Variants in GRB10 observed in about 807,000 individuals in gnomAD.
GRB10 encodes growth factor receptor-bound protein 10.
A neutral mutation model predicts 80.9 loss-of-function variants in GRB10; 20 were observed. The observed-to-expected ratio is 0.25, with a 90% CI of 0.17 to 0.36. The LOEUF is 0.36. GRB10 is among the 10% of genes least tolerant of loss of function. GRB10 has a pLI of 1.00. For missense variants in GRB10, 548 were observed against 747.7 expected, an observed-to-expected ratio of 0.73 and a Z score of 3.12; for synonymous variants, 291 against 291.5, an observed-to-expected ratio of 1.00 and a Z score of 0.02.
At chr7:50,701,759 C>T (rs1335373889) in intron 5 of GRB10, among the ~76,000 whole-genome samples, 2 of 152,190 alleles carry the variant, frequency 1.3e-5, no homozygotes, top group African/African-American at 4.8e-5. Flanking sequence ...CTTGGGAGTA[C>T]ACTGCATTGC....
chr7:50,778,022 T>C (rs2077882945), intron 2 of GRB10, among the ~76,000 whole-genome samples: 3 of 152,114 alleles, frequency 2.0e-5, no homozygotes, highest in South Asian at 2.1e-4. Context: ...ACCACCATGG[T>C]ACACGTATAC....
chr7:50,773,851 G>A (rs1316474956), intron 2 of GRB10, among the ~76,000 whole-genome samples: 2 of 148,594 alleles, frequency 1.3e-5, no homozygotes, highest in African/African-American at 5.2e-5. Context: ...GAATTTATTT[G>A]TTTGTTTATT....
In GRB10 at chr7:50,744,237, G is replaced by A. The variant is rs150239136; in HGVS notation, c.-47+11650C>T. Among the ~76,000 whole-genome samples the A allele has an allele frequency of 4.1e-4, 62 of 152,302 alleles. 2 individuals carry two copies. The East Asian group carries it at 8.5e-3, about 21-fold the overall frequency. On this transcript the variant is annotated intron_variant, in intron 3 of 18. Coordinates refer to ENST00000401949, the MANE Select transcript of GRB10 (RefSeq NM_001350814.2). ...CTTCATGGAAAAGAAAAGAAACCGC[G>A]TAGAACCATCACAGGCCGGCAGGCT...
At chr7:50,678,957 C>T (rs115372856) in intron 5 of GRB10, among the ~76,000 whole-genome samples, 1,715 of 152,212 alleles carry the variant, frequency 0.011, 29 homozygotes, top group African/African-American at 0.037. Flanking sequence ...TAACTTGACG[C>T]CAAAATATTT....
At chr7:50,686,690 T>A (rs1429500294) in intron 5 of GRB10, among the ~76,000 whole-genome samples, 1 of 152,206 alleles carries the variant, frequency 6.6e-6, no homozygotes. Flanking sequence ...TTTGAGCACC[T>A]GCAAGGTACC....
At chr7:50,755,806 C>T (rs2074988427) in intron 3 of GRB10, 81 bp downstream of exon 3, 1 of 398,366 alleles carries the variant, frequency 2.5e-6, no homozygotes, top group African/African-American at 2.1e-5. Context: ...CACGCATTCA[C>T]TGACCACCTT....
At chr7:50,690,902 A>G (rs1311327114) in intron 5 of GRB10, among the ~76,000 whole-genome samples, 2 of 152,352 alleles carry the variant, frequency 1.3e-5, no homozygotes, top group East Asian at 3.9e-4. Context: ...GCGAAGGCCC[A>G]GAATAGCTGA....
intron 3 of GRB10, among the ~76,000 whole-genome samples, chr7:50,755,042 G>C (rs2074843948): frequency 6.6e-6 from 1 of 152,248 alleles, no homozygotes; most frequent in Non-Finnish European, 1.5e-5. Context: ...CAACTCAGCT[G>C]TCACCTTGAC....
chr7:50,728,567 G>GA (rs1015139317), intron 4 of GRB10, among the ~76,000 whole-genome samples: 10 of 152,094 alleles, frequency 6.6e-5, no homozygotes, highest in Admixed American at 4.6e-4. Context: ...CAGTGTCCCA[G>GA]AAAAAACTTT....
In GRB10 at chr7:50,605,415, G is replaced by T. The variant is rs192542588; in HGVS notation, c.1273-9C>A. ...TTCTCGGAGACACTGCGCTGAAAAGGAAAGGCCGCAGTTCTTAAAATGCAG... is the reference window on the plus strand; with the variant it reads ...TTCTCGGAGACACTGCGCTGAAAAGTAAAGGCCGCAGTTCTTAAAATGCAG... On this transcript the variant is annotated splice_polypyrimidine_tract_variant and intron_variant, in intron 14 of 18. Coordinates refer to ENST00000401949, the MANE Select transcript of GRB10 (RefSeq NM_001350814.2). The T allele has an allele frequency of 3.0e-4, 488 of 1,604,582 alleles. 3 individuals are homozygous for T. Among genetic ancestry groups the T allele is most frequent in the Middle Eastern group, 3.3e-4 (2 of 6,046 alleles).
chr7:50,705,174 G>A, intron 4 of GRB10: 2 of 985,714 alleles, frequency 2.0e-6, no homozygotes, highest in Non-Finnish European at 2.4e-6. Context: ...GGTCAACGCT[G>A]TGCTTCACGG....
intron 5 of GRB10, among the ~76,000 whole-genome samples, chr7:50,684,342 T>TA (rs11396273): frequency 3.0e-4 from 46 of 151,160 alleles, no homozygotes; most frequent in South Asian, 6.3e-4. Flanking sequence ...ATTTTTTTTT[T>TA]AATTGTGGTT....
At chr7:50,707,237 G>A (rs1563530117) in intron 4 of GRB10, among the ~76,000 whole-genome samples, 1 of 152,126 alleles carries the variant, frequency 6.6e-6, no homozygotes, top group African/African-American at 2.4e-5. Flanking sequence ...TATTTTGGAG[G>A]ATAGTAAAAG....
intron 7 of GRB10, among the ~76,000 whole-genome samples, chr7:50,656,583 T>C (rs1252771575): frequency 3.3e-5 from 5 of 152,158 alleles, no homozygotes; most frequent in African/African-American, 4.8e-5. Flanking sequence ...CTTGCTAAGG[T>C]GTCTGCGGTA....
At chr7:50,606,901 A>C in intron 13 of GRB10, 1 of 175,412 alleles carries the variant, frequency 5.7e-6, no homozygotes, top group South Asian at 1.3e-4. Flanking sequence ...CAAGCAATTT[A>C]AGTTTTTCTT....
intron 17 of GRB10, 85 bp from the exon 18 acceptor site, chr7:50,595,615 A>G: frequency 1.3e-5 from 10 of 755,188 alleles, no homozygotes; most frequent in Non-Finnish European, 2.1e-5. Flanking sequence ...ACACACACAC[A>G]CACACACACA....
intron 1 of GRB10, among the ~76,000 whole-genome samples, chr7:50,790,702 C>T (rs956675580): frequency 2.6e-5 from 4 of 152,224 alleles, no homozygotes; most frequent in African/African-American, 9.6e-5. Flanking sequence ...AGTTAAGAGT[C>T]GGACAGAATT....
At chr7:50,746,866 A>T (rs73697068) in intron 3 of GRB10, among the ~76,000 whole-genome samples, 15,728 of 151,744 alleles carry the variant, frequency 0.1, 2,744 homozygotes, top group African/African-American at 0.36. Flanking sequence ...TCAATTCATG[A>T]CCTCTTCCTG....
intron 7 of GRB10, among the ~76,000 whole-genome samples, chr7:50,642,452 T>G (rs2056433095): frequency 6.6e-6 from 1 of 152,134 alleles, no homozygotes; most frequent in Admixed American, 6.5e-5. Flanking sequence ...CATATACACA[T>G]GCTTCATACA....
Sources: allele counts gnomAD v4.1 joint callset (sites outside exome capture counted in the v4.1 genomes callset), GRCh38; gene constraint gnomAD v4.1.1; transcripts MANE v1.5; gene names NCBI Gene and HGNC (gene_info 2026-07-23, HGNC 2026-07-21).